Variants in NELL1 observed in about 807,000 individuals in gnomAD.
The protein encoded by NELL1 is neural EGFL like 1, also known as protein kinase C-binding protein NELL1.
A neutral mutation model predicts 107.4 loss-of-function variants in NELL1; 76 were observed. The ratio of observed to expected loss-of-function variants is 0.71; its 90% CI spans 0.59 to 0.86. NELL1 has a LOEUF of 0.86. NELL1 is among the 40% of genes least tolerant of loss of function. NELL1 has a pLI of 0.00. For synonymous variants in NELL1, 353 were observed against 341.2 expected (o/e 1.03, Z -0.38); for missense variants, 1,024 against 1,005.5 (o/e 1.02, Z -0.25).
At chr11:21,346,237 T>C (rs1850680981) in intron 14 of NELL1, among the ~76,000 whole-genome samples, 2 of 152,106 alleles carry the variant, frequency 1.3e-5, no homozygotes, top group Admixed American at 1.3e-4. Flanking sequence ...CTCAGGCAGG[T>C]TCTAACAAGA....
rs556558419 is a variant in NELL1, at chr11:20,751,558, C to A, written c.185-32122C>A. Among the ~76,000 whole-genome samples, 11 of 152,074 alleles carry A rather than the reference C, an allele frequency of 7.2e-5. No homozygotes were observed. In the East Asian group the frequency reaches 1.2e-3, roughly 16 times the overall value. ...ATGGCATGACCATGGCTTACTGGAGCCTTGAACTCCTGGGCTCAAGTGATG... is the reference window on the plus strand; with the variant it reads ...ATGGCATGACCATGGCTTACTGGAGACTTGAACTCCTGGGCTCAAGTGATG... On this transcript the variant is annotated intron_variant, in intron 2 of 19. Coordinates refer to ENST00000357134, the MANE Select transcript of NELL1 (RefSeq NM_006157.5).
chr11:21,149,446 AG>A (rs1856064125), intron 13 of NELL1, among the ~76,000 whole-genome samples: 2 of 152,222 alleles, frequency 1.3e-5, no homozygotes, highest in African/African-American at 4.8e-5. Flanking sequence ...ACATGGTAGC[AG>A]GCAAGAGAGT....
At chr11:21,071,670 T>C (rs1176626933) in intron 12 of NELL1, among the ~76,000 whole-genome samples, 1 of 152,170 alleles carries the variant, frequency 6.6e-6, no homozygotes, top group Non-Finnish European at 1.5e-5. Context: ...AGTCTCCCTC[T>C]CTTGCAAGCT....
At chr11:21,512,424 TAGGG>T in intron 15 of NELL1, among the ~76,000 whole-genome samples, 2 of 152,312 alleles carry the variant, frequency 1.3e-5, no homozygotes, top group South Asian at 4.1e-4. Flanking sequence ...ATTTTATTAT[TAGGG>T]AGAATGACAA....
rs767736140 is a variant in NELL1, at chr11:20,904,739, T to C, written c.604-13443T>C. 5.7e-4 allele frequency among the ~76,000 whole-genome samples: 87 copies of C among 152,066 alleles called. 1 individual carries two copies. The highest frequency in any genetic ancestry group is 1.9e-4 in the Non-Finnish European group (13 of 67,980). On this transcript the variant is annotated intron_variant, in intron 5 of 19. Coordinates refer to ENST00000357134, the MANE Select transcript of NELL1 (RefSeq NM_006157.5). ...CCAGCACGGAGAAAATCTGCAAAGGTTGGAGGAGTCTCTCTCTCTTTCTTG... is the reference window on the plus strand; with the variant it reads ...CCAGCACGGAGAAAATCTGCAAAGGCTGGAGGAGTCTCTCTCTCTTTCTTG...
At chr11:21,211,300 A>G (rs779873378) in intron 13 of NELL1, among the ~76,000 whole-genome samples, 2 of 152,128 alleles carry the variant, frequency 1.3e-5, no homozygotes, top group African/African-American at 2.4e-5. Context: ...GGAAGAGCAT[A>G]TGAAAATGCT....
chr11:21,479,353 G>T (rs1854430362), intron 15 of NELL1, among the ~76,000 whole-genome samples: 1 of 150,948 alleles, frequency 6.6e-6, no homozygotes, highest in Non-Finnish European at 1.5e-5. Flanking sequence ...ATAGCATTCA[G>T]CCATAAAAAA....
chr11:20,945,001 G>A (rs1467400227), intron 10 of NELL1, among the ~76,000 whole-genome samples: 2 of 152,098 alleles, frequency 1.3e-5, no homozygotes, highest in East Asian at 3.8e-4. Context: ...ATATAGAGGG[G>A]AAAATGTAAG....
chr11:20,854,079 T>A (rs1181861333), intron 4 of NELL1, among the ~76,000 whole-genome samples: 1 of 152,178 alleles, frequency 6.6e-6, no homozygotes, highest in Non-Finnish European at 1.5e-5. Context: ...AAGTTTTGAC[T>A]TTACAAATGA....
intron 12 of NELL1, among the ~76,000 whole-genome samples, chr11:21,055,928 G>A (rs1853604884): frequency 6.6e-6 from 1 of 152,106 alleles, no homozygotes; most frequent in Admixed American, 6.6e-5. Flanking sequence ...CAGCAATATT[G>A]ACTTCCACTC....
Position 21,460,528 on chromosome 11 carries a change from C to T in NELL1, c.1646-73846C>T, listed in dbSNP as rs554329445. Reference sequence around the variant, plus strand: ...TTGAGGTAGCTATGGTGCCAGGTTTCTTTTCTGACATGAATTGGGTATAAT... The same window carrying T: ...TTGAGGTAGCTATGGTGCCAGGTTTTTTTTCTGACATGAATTGGGTATAAT... On this transcript the variant is annotated intron_variant, in intron 15 of 19. Coordinates refer to ENST00000357134, the MANE Select transcript of NELL1 (RefSeq NM_006157.5). Among the ~76,000 whole-genome samples the T allele has an allele frequency of 1.1e-3, 172 of 152,242 alleles. 2 individuals carry two copies. Among genetic ancestry groups the T allele is most frequent in the African/African-American group, 4.1e-3 (169 of 41,570 alleles).
intron 4 of NELL1, among the ~76,000 whole-genome samples, chr11:20,850,038 A>G (rs907644145): frequency 3.3e-5 from 5 of 152,180 alleles, no homozygotes; most frequent in African/African-American, 1.2e-4. Flanking sequence ...AATTTGGTGG[A>G]GAGGCTGGGC....
chr11:21,298,894 G>T (rs1212305391), intron 14 of NELL1, among the ~76,000 whole-genome samples: 2 of 151,942 alleles, frequency 1.3e-5, no homozygotes, highest in Non-Finnish European at 2.9e-5. Flanking sequence ...CCCGAAAAAA[G>T]ATTATCTGCT....
At chr11:20,986,707 C>T (rs1229433784) in intron 12 of NELL1, among the ~76,000 whole-genome samples, 2 of 151,838 alleles carry the variant, frequency 1.3e-5, no homozygotes, top group African/African-American at 4.8e-5. Context: ...CTGTTCTAGA[C>T]ATTTGGGCAC....
chr11:20,792,742 T>C (rs1015842778), intron 3 of NELL1, among the ~76,000 whole-genome samples: 5 of 151,998 alleles, frequency 3.3e-5, no homozygotes, highest in African/African-American at 1.2e-4. Flanking sequence ...AGGATCTTTG[T>C]ATCATTAAAT....
At position 20,944,509 on chromosome 11, in the gene NELL1, G is replaced by A. The variant is rs531711998; in HGVS notation, c.1072-2827G>A. 2.6e-5 allele frequency among the ~76,000 whole-genome samples: 4 copies of A among 152,270 alleles called. No homozygotes were observed. In the South Asian group the frequency reaches 8.3e-4, roughly 32 times the overall value. ...AATGGTTAGTACAGAACTTGAAAGTGTATGTATTTGACCAATGACATGGAG... is the reference window on the plus strand; with the variant it reads ...AATGGTTAGTACAGAACTTGAAAGTATATGTATTTGACCAATGACATGGAG... On this transcript the variant is annotated intron_variant, in intron 10 of 19. Transcript: ENST00000357134.
chr11:21,367,057 T>C (rs967568507), intron 14 of NELL1, among the ~76,000 whole-genome samples: 33 of 99,810 alleles, frequency 3.3e-4, no homozygotes, highest in African/African-American at 1.3e-3. Context: ...GAATATTTTA[T>C]ATTTTAATAT....
intron 3 of NELL1, among the ~76,000 whole-genome samples, chr11:20,803,775 T>A (rs1236061730): frequency 6.6e-6 from 1 of 152,166 alleles, no homozygotes; most frequent in Non-Finnish European, 1.5e-5. Flanking sequence ...CAAAGGAGAT[T>A]AACATTAGAG....
intron 2 of NELL1, among the ~76,000 whole-genome samples, chr11:20,767,870 G>T (rs1856563983): frequency 6.6e-6 from 1 of 152,130 alleles, no homozygotes; most frequent in Non-Finnish European, 1.5e-5. Context: ...GATGGCCAAT[G>T]GCCAATCACA....
Sources: allele counts gnomAD v4.1 joint callset (sites outside exome capture counted in the v4.1 genomes callset), GRCh38; gene constraint gnomAD v4.1.1; transcripts MANE v1.5; gene names NCBI Gene and HGNC (gene_info 2026-07-23, HGNC 2026-07-21).